Variants in LRRC37A observed in about 807,000 individuals in gnomAD.
LRRC37A encodes the protein leucine-rich repeat-containing protein 37A.
LRRC37A carries 3 observed loss-of-function variants against 35.4 expected under a neutral mutation model. The observed-to-expected ratio is 0.08, with a 90% CI of 0.04 to 0.22. The LOEUF (loss-of-function observed/expected upper bound fraction) is 0.22, where lower values mean the gene tolerates loss of function less well. Ranked by LOEUF, LRRC37A falls within the 10% of genes least tolerant of loss-of-function variation. LRRC37A has a pLI of 1.00. For missense variants in LRRC37A, 67 were observed against 565.3 expected (o/e 0.12, Z 8.94); for synonymous variants, 23 against 215.0 (o/e 0.11, Z 7.81).
At chr17:46,327,959 A>G (rs1314343293) in intron 7 of LRRC37A, among the ~76,000 whole-genome samples, 5 of 65,990 alleles carry the variant, frequency 7.6e-5, no homozygotes, top group African/African-American at 1.7e-4. Context: ...TAACTCCGCA[A>G]TCCAGGTTAA....
At chr17:46,286,582 T>TC in the LRRC37A span, among the ~76,000 whole-genome samples, 2 of 152,160 alleles carry the variant, frequency 1.3e-5, no homozygotes, top group Non-Finnish European at 2.9e-5. Context: ...AACCACATTT[T>TC]CCCCAATGTG....
the LRRC37A span, chr17:46,267,606 C>T: frequency 6.3e-7 from 1 of 1,581,040 alleles, no homozygotes; most frequent in East Asian, 2.3e-5. Context: ...GTGGGTCGTC[C>T]AGTCTTTTTT....
chr17:46,267,527 A>G, the LRRC37A span: 1 of 1,612,878 alleles, frequency 6.2e-7, no homozygotes, highest in Non-Finnish European at 8.5e-7. Flanking sequence ...TGGTATTGAA[A>G]CTGAGCTGAA....
At chr17:46,287,917 T>C (rs2049962225), upstream of LRRC37A, among the ~76,000 whole-genome samples, 1 of 152,234 alleles carries the variant, frequency 6.6e-6, no homozygotes, top group East Asian at 1.9e-4. Flanking sequence ...ATACAGTGTG[T>C]CTACAAGTGT....
the LRRC37A span, among the ~76,000 whole-genome samples, chr17:46,278,396 A>G: frequency 9.6e-5 from 13 of 136,038 alleles, no homozygotes; most frequent in South Asian, 2.2e-4. Flanking sequence ...GTTTTGTTTT[A>G]TTTTGTTTTT....
chr17:46,326,764 C>T (rs1478827740), intron 7 of LRRC37A, among the ~76,000 whole-genome samples: 2 of 33,234 alleles, frequency 6.0e-5, no homozygotes, highest in African/African-American at 2.6e-4. Context: ...ATTAGCAGAG[C>T]TGAGATTGAA....
the LRRC37A span, among the ~76,000 whole-genome samples, chr17:46,265,754 A>G: frequency 6.6e-6 from 1 of 152,192 alleles, no homozygotes; most frequent in African/African-American, 2.4e-5. Flanking sequence ...CTGGGATTAC[A>G]AGCACGAGCC....
the LRRC37A span, among the ~76,000 whole-genome samples, chr17:46,280,319 G>T: frequency 1.5e-4 from 23 of 152,090 alleles, no homozygotes; most frequent in African/African-American, 5.6e-4. Flanking sequence ...AGGTGAGATT[G>T]CACCACTGCA....
intron 5 of LRRC37A, among the ~76,000 whole-genome samples, chr17:46,313,011 G>T (rs2050888314): frequency 2.7e-5 from 3 of 111,156 alleles, no homozygotes; most frequent in African/African-American, 1.0e-4. Context: ...CTGGCACCTG[G>T]TGTTCTATAC....
the LRRC37A span, among the ~76,000 whole-genome samples, chr17:46,280,902 T>C: frequency 6.6e-6 from 1 of 152,226 alleles, no homozygotes; most frequent in Non-Finnish European, 1.5e-5. Context: ...AAAAAATACC[T>C]GCCAAGAAAG....
At chr17:46,278,384 CTGTTT>C in the LRRC37A span, among the ~76,000 whole-genome samples, 3 of 146,958 alleles carry the variant, frequency 2.0e-5, no homozygotes, top group African/African-American at 7.4e-5. Context: ...TTGTTTTGTT[CTGTTT>C]TGTTTTATTT....
At chr17:46,281,195 G>A in the LRRC37A span, among the ~76,000 whole-genome samples, 15,070 of 143,558 alleles carry the variant, frequency 0.1, 2 homozygotes, top group Middle Eastern at 0.17. Context: ...TGTCCACCTG[G>A]CTTATAATGT....
the LRRC37A span, among the ~76,000 whole-genome samples, chr17:46,251,177 G>GTTCTCAAC: frequency 6.6e-6 from 1 of 152,036 alleles, no homozygotes; most frequent in Non-Finnish European, 1.5e-5. Context: ...CCTTAGTCCC[G>GTTCTCAAC]TGGTTCTCAA....
At chr17:46,282,890 G>C in the LRRC37A span, among the ~76,000 whole-genome samples, 8 of 152,126 alleles carry the variant, frequency 5.3e-5, no homozygotes, top group Admixed American at 5.2e-4. Context: ...AGGCCGAAGC[G>C]AGCGGATCAC....
upstream of LRRC37A, among the ~76,000 whole-genome samples, chr17:46,289,251 C>A (rs532859758): frequency 6.6e-6 from 1 of 152,200 alleles, no homozygotes; most frequent in African/African-American, 2.4e-5. Context: ...GACATAAACA[C>A]GGCTTGCTAT....
upstream of LRRC37A, among the ~76,000 whole-genome samples, chr17:46,288,706 C>CTTTTTT (rs199591277): frequency 7.2e-6 from 1 of 139,060 alleles, no homozygotes; most frequent in Non-Finnish European, 1.6e-5. Flanking sequence ...CTTGTTTTTT[C>CTTTTTT]TTTTTTTTTT....
At chr17:46,254,696 C>T in the LRRC37A span, among the ~76,000 whole-genome samples, 10 of 150,398 alleles carry the variant, frequency 6.6e-5, no homozygotes, top group Admixed American at 6.0e-4. Context: ...CATGTGCCAC[C>T]GCGCCTGGCA....
the LRRC37A span, among the ~76,000 whole-genome samples, chr17:46,285,485 C>T: frequency 6.6e-6 from 1 of 152,040 alleles, no homozygotes; most frequent in African/African-American, 2.4e-5. Flanking sequence ...CATGATTTGC[C>T]CACCTCAGCC....
the LRRC37A span, among the ~76,000 whole-genome samples, chr17:46,257,919 C>T: frequency 1.3e-5 from 2 of 152,106 alleles, no homozygotes; most frequent in African/African-American, 4.8e-5. Context: ...AGGGACTTAG[C>T]TGGGTGGTTC....
Sources: gnomAD v4.1 joint callset for allele counts (sites outside exome capture counted in the v4.1 genomes callset) on GRCh38, gnomAD v4.1.1 for gene constraint, MANE v1.5 for transcripts, NCBI Gene and HGNC (gene_info 2026-07-23, HGNC 2026-07-21) for gene names.